Variants in NR6A1 observed in about 807,000 individuals in gnomAD.
NR6A1 encodes retinoic acid receptor-related testis-associated receptor.
Under a neutral mutation model 59.1 loss-of-function variants are expected in NR6A1, and 7 were observed. The ratio of observed to expected loss-of-function variants is 0.12; its 90% CI spans 0.07 to 0.22. The LOEUF is 0.22. Among genes scored for constraint, NR6A1 ranks in the 10% least tolerant of loss-of-function variants. The pLI is 1.00. For synonymous variants in NR6A1, 243 were observed against 236.1 expected, an observed-to-expected ratio of 1.03 and a Z score of -0.27; for missense variants, 468 against 611.6, an observed-to-expected ratio of 0.77 and a Z score of 2.48.
intron 7 of NR6A1, among the ~76,000 whole-genome samples, chr9:124,530,908 T>C (rs183895546): frequency 5.7e-4 from 87 of 152,378 alleles, no homozygotes; most frequent in Non-Finnish European, 1.5e-4. Context: ...GCTCCATCTC[T>C]ATCTTTGTAG....
intron 2 of NR6A1, among the ~76,000 whole-genome samples, chr9:124,720,970 CT>C (rs947245322): frequency 1.3e-5 from 2 of 151,892 alleles, no homozygotes; most frequent in Admixed American, 6.6e-5. Context: ...CCCCTTTCAG[CT>C]TTTTTTTAAT....
chr9:124,732,008 G>C (rs1839898352), intron 2 of NR6A1, among the ~76,000 whole-genome samples: 1 of 152,116 alleles, frequency 6.6e-6, no homozygotes, highest in Non-Finnish European at 1.5e-5. Flanking sequence ...ATACAAAACT[G>C]ATTCTGAAAT....
intron 2 of NR6A1, among the ~76,000 whole-genome samples, chr9:124,629,780 TC>T (rs1471618287): frequency 6.6e-6 from 1 of 152,198 alleles, no homozygotes; most frequent in East Asian, 1.9e-4. Context: ...CTTAGTCATT[TC>T]AGTTTGAAGA....
chr9:124,718,947 T>G (rs1008482969), intron 2 of NR6A1, among the ~76,000 whole-genome samples: 2 of 151,378 alleles, frequency 1.3e-5, no homozygotes, highest in African/African-American at 4.9e-5. Flanking sequence ...CCCCAGTAGC[T>G]GGGATGACAG....
chr9:124,550,375 A>ATTTTTTTT lies in NR6A1; in HGVS notation c.385+3945_385+3952dup, dbSNP rs58594452. 4.9e-4 allele frequency among the ~76,000 whole-genome samples: 58 copies of ATTTTTTTT among 117,572 alleles called. 1 individual carries two copies. The highest frequency in any genetic ancestry group is 7.4e-4 in the East Asian group (3 of 4,048). 77.1% of individuals were successfully genotyped at this position (117,572 alleles called of 152,430 possible). On this transcript the variant is annotated intron_variant, in intron 3 of 9. Transcript: ENST00000487099. ...TATTACTGTGATGTTCTAATGGTGA[A>ATTTTTTTT]TTTTTTTTTTTTTTTTTTTTTTTGG...
chr9:124,638,944 C>T (rs1052884338), intron 2 of NR6A1, among the ~76,000 whole-genome samples: 1 of 152,066 alleles, frequency 6.6e-6, no homozygotes, highest in African/African-American at 2.4e-5. Flanking sequence ...CTTGTCTTTA[C>T]GGGAAGCTGA....
In NR6A1 at chr9:124,538,107, A is replaced by G. The variant is rs1309641311; in HGVS notation, c.809T>C (p.Met270Thr). 6.2e-7 allele frequency: 1 copy of G among 1,610,158 alleles called. No individual in the cohort carries two copies. Among genetic ancestry groups the G allele is most frequent in the African/African-American group, 1.3e-5 (1 of 74,914 alleles). The change falls in exon 6 of 10, where the codon ATG (methionine) becomes ACG (threonine). Residue 270 changes from methionine (M) to threonine (T), a missense_variant. By Grantham distance (81) the Met-to-Thr change is moderately conservative. Transcript: ENST00000487099. ...AEDLEPLGTP[M>T]LIEDGYAVTQ... is the part of the protein sequence containing the mutation. ...GCTCACTCACCCATCTTCAATCAAC[A>G]TGGGCGTGCCCAATGGTTCCAGGTC...
At chr9:124,530,375 G>A (rs1304544716) in intron 7 of NR6A1, among the ~76,000 whole-genome samples, 6 of 152,166 alleles carry the variant, frequency 3.9e-5, no homozygotes, top group South Asian at 4.1e-4. Flanking sequence ...AAACAAAGTT[G>A]TTCTCTGTTC....
intron 2 of NR6A1, among the ~76,000 whole-genome samples, chr9:124,720,399 T>A (rs1237243220): frequency 6.6e-6 from 1 of 152,178 alleles, no homozygotes; most frequent in Non-Finnish European, 1.5e-5. Context: ...TATTTAAACA[T>A]CCTGGAAGTC....
intron 2 of NR6A1, among the ~76,000 whole-genome samples, chr9:124,651,204 G>A (rs968131656): frequency 6.6e-6 from 1 of 152,068 alleles, no homozygotes; most frequent in Non-Finnish European, 1.5e-5. Flanking sequence ...CTACAAGTGT[G>A]TGCCACTATG....
In NR6A1 at chr9:124,694,472, T is replaced by C. The variant is rs192826227; in HGVS notation, c.142+38836A>G. ...TGGTTATTATTCAGATGTACATCAA[T>C]ATTCTCTTTTGACAAAAACTATGAG... On this transcript the variant is annotated intron_variant, in intron 2 of 9. Transcript: ENST00000487099. 1.6e-4 allele frequency among the ~76,000 whole-genome samples: 24 copies of C among 152,362 alleles called. 1 individual carries two copies. In the East Asian group the frequency reaches 4.6e-3, roughly 29 times the overall value.
At chr9:124,738,879 G>A (rs1182372516) in intron 1 of NR6A1, among the ~76,000 whole-genome samples, 1 of 151,926 alleles carries the variant, frequency 6.6e-6, no homozygotes, top group East Asian at 1.9e-4. Flanking sequence ...GGCGCATGCT[G>A]TAGTCCTAGC....
At chr9:124,760,457 G>T (rs745505726) in intron 1 of NR6A1, among the ~76,000 whole-genome samples, 2 of 152,126 alleles carry the variant, frequency 1.3e-5, no homozygotes, top group Non-Finnish European at 2.9e-5. Context: ...ATAGATAAAT[G>T]CCCCAGATTC....
intron 2 of NR6A1, 108 bp from the exon 3 acceptor site, chr9:124,554,678 C>T (rs758844437): frequency 2.3e-4 from 328 of 1,426,772 alleles, no homozygotes; most frequent in Non-Finnish European, 3.1e-4. Flanking sequence ...TATCTCCAGG[C>T]TAAAGGGCAA....
At chr9:124,587,532 G>A (rs147676913) in intron 2 of NR6A1, among the ~76,000 whole-genome samples, 141 of 152,236 alleles carry the variant, frequency 9.3e-4, no homozygotes, top group Middle Eastern at 3.4e-3. Context: ...AAGTGAAACC[G>A]GATGTTCTAA....
In NR6A1 at chr9:124,641,333, T is replaced by C. The variant is rs1316029476; in HGVS notation, c.143-86763A>G. On this transcript the variant is annotated intron_variant, in intron 2 of 9. Transcript: ENST00000487099. ...GAGATCACCCCATTGCACTCCAGCC[T>C]GGGCAAAAAGAGTGAAAATCTGTCT... Among the ~76,000 whole-genome samples the C allele has an allele frequency of 2.1e-5, 3 of 142,320 alleles. No homozygotes were observed. In the East Asian group the frequency reaches 6.1e-4, roughly 29 times the overall value. 93.4% of individuals were successfully genotyped at this position (142,320 alleles called of 152,430 possible).
intron 2 of NR6A1, among the ~76,000 whole-genome samples, chr9:124,708,285 C>A (rs965316164): frequency 1.3e-5 from 2 of 152,178 alleles, no homozygotes; most frequent in Non-Finnish European, 2.9e-5. Flanking sequence ...TCACCGCCAG[C>A]CCCACCCTGG....
At chr9:124,688,670 C>A (rs1838420693) in intron 2 of NR6A1, among the ~76,000 whole-genome samples, 1 of 152,168 alleles carries the variant, frequency 6.6e-6, no homozygotes, top group African/African-American at 2.4e-5. Flanking sequence ...AAAGCAACAT[C>A]GTATCAGTGA....
intron 2 of NR6A1, among the ~76,000 whole-genome samples, chr9:124,675,328 C>T (rs887354207): frequency 1.3e-5 from 2 of 152,182 alleles, no homozygotes; most frequent in Non-Finnish European, 2.9e-5. Context: ...TCTGTGCCTC[C>T]TACCAGACTG....
Sources: gnomAD v4.1 joint callset for allele counts (sites outside exome capture counted in the v4.1 genomes callset) on GRCh38, gnomAD v4.1.1 for gene constraint, MANE v1.5 for transcripts, NCBI Gene and HGNC (gene_info 2026-07-23, HGNC 2026-07-21) for gene names.